The following GAS7 variants were observed in gnomAD, a reference collection of about 807,000 sequenced individuals.
GAS7 encodes the protein growth arrest-specific protein 7.
A neutral mutation model predicts 71.1 loss-of-function variants in GAS7; 28 were observed. The observed-to-expected ratio is 0.39, with a 90% CI of 0.29 to 0.54. GAS7 has a LOEUF of 0.54. Among genes scored for constraint, GAS7 ranks in the 20% least tolerant of loss-of-function variants. The pLI is 0.62. For missense variants in GAS7, 436 were observed against 627.8 expected (o/e 0.69, Z 3.27); for synonymous variants, 258 against 245.8 (o/e 1.05, Z -0.46).
chr17:10,083,552 G>C (rs1286064319), intron 1 of GAS7, among the ~76,000 whole-genome samples: 1 of 152,264 alleles, frequency 6.6e-6, no homozygotes, highest in African/African-American at 2.4e-5. Context: ...GCCAAGTCTG[G>C]CTTGTGCACT....
chr17:9,980,954 T>C (rs563092181), intron 3 of GAS7, among the ~76,000 whole-genome samples: 1 of 152,298 alleles, frequency 6.6e-6, no homozygotes, highest in East Asian at 1.9e-4. Flanking sequence ...CAGACCTAGA[T>C]GTCTCCCAAG....
intron 1 of GAS7, among the ~76,000 whole-genome samples, chr17:10,027,397 C>A (rs544265198): frequency 2.0e-5 from 3 of 152,280 alleles, no homozygotes; most frequent in East Asian, 1.9e-4. Context: ...CAAATCCCAG[C>A]TCTTAATGGA....
intron 1 of GAS7, among the ~76,000 whole-genome samples, chr17:10,080,197 G>A (rs996731792): frequency 2.0e-5 from 3 of 152,060 alleles, no homozygotes; most frequent in Non-Finnish European, 2.9e-5. Context: ...GGTCATCCTC[G>A]CTGCTCATTA....
chr17:10,189,587 T>C (rs982495854), intron 1 of GAS7, among the ~76,000 whole-genome samples: 1 of 151,342 alleles, frequency 6.6e-6, no homozygotes, highest in Non-Finnish European at 1.5e-5. Context: ...CACACTCCTC[T>C]ACTCAGGGTT....
At chr17:10,074,822 G>A (rs891595862) in intron 1 of GAS7, among the ~76,000 whole-genome samples, 2 of 151,974 alleles carry the variant, frequency 1.3e-5, no homozygotes, top group Admixed American at 1.3e-4. Flanking sequence ...GAGAAGAAAG[G>A]AAGTAAAAGC....
chr17:10,067,756 A>T (rs1197974120), intron 1 of GAS7, among the ~76,000 whole-genome samples: 1 of 152,178 alleles, frequency 6.6e-6, no homozygotes, highest in Non-Finnish European at 1.5e-5. Context: ...GACACTCTCC[A>T]TTAACCCTGC....
intron 1 of GAS7, among the ~76,000 whole-genome samples, chr17:10,121,588 T>A (rs1163582381): frequency 1.3e-5 from 2 of 152,156 alleles, no homozygotes; most frequent in African/African-American, 4.8e-5. Context: ...GTCCAGTGCT[T>A]AGGCCAGTGT....
At chr17:10,152,382 G>C (rs1249228954) in intron 1 of GAS7, among the ~76,000 whole-genome samples, 1 of 152,230 alleles carries the variant, frequency 6.6e-6, no homozygotes, top group African/African-American at 2.4e-5. Context: ...CATGCAGGCG[G>C]AACACAGAAG....
chr17:10,123,625 C>T (rs1363759109), intron 1 of GAS7, among the ~76,000 whole-genome samples: 1 of 152,236 alleles, frequency 6.6e-6, no homozygotes, highest in Non-Finnish European at 1.5e-5. Flanking sequence ...TATCATCTCT[C>T]AGCACTTTTG....
chr17:9,917,348 G>A lies in GAS7; in HGVS notation c.1318-7C>T. 8.1e-6 allele frequency: 13 copies of A among 1,599,920 alleles called. No homozygotes were observed. The highest frequency in any genetic ancestry group is 1.0e-5 in the Non-Finnish European group (12 of 1,166,986). On this transcript the variant is annotated splice_polypyrimidine_tract_variant and splice_region_variant and intron_variant, in intron 13 of 13. Coordinates refer to ENST00000432992, the MANE Select transcript of GAS7 (RefSeq NM_201433.2). ...GATCCACGGGCTCGACTGTCTGCAA[G>A]AGACAGAGAAAATGCGACACTGTTA...
At chr17:9,960,428 G>A (rs544219052) in intron 4 of GAS7, among the ~76,000 whole-genome samples, 17 of 152,052 alleles carry the variant, frequency 1.1e-4, no homozygotes, top group African/African-American at 2.9e-4. Flanking sequence ...GACCTCAGGC[G>A]ATCCACCTGT....
At chr17:9,983,868 T>C (rs1456091644) in intron 2 of GAS7, among the ~76,000 whole-genome samples, 1 of 152,200 alleles carries the variant, frequency 6.6e-6, no homozygotes, top group Non-Finnish European at 1.5e-5. Context: ...GCAAAGTAGT[T>C]AGGCTCTGTT....
chr17:9,994,785 C>G lies in GAS7; in HGVS notation c.305-12901G>C, dbSNP rs550116992. 2.6e-5 allele frequency among the ~76,000 whole-genome samples: 4 copies of G among 152,092 alleles called. 1 individual carries two copies. The South Asian group carries it at 8.3e-4, about 32-fold the overall frequency. On this transcript the variant is annotated intron_variant, in intron 2 of 13. Transcript: ENST00000432992. ...AAATTTTCACAACCTACTCACCTGA[C>G]AAAGGGCTAATATCCAGAATCTACA... is the stretch of plus-strand genomic sequence containing the variant.
Position 9,981,862 on chromosome 17 carries a change from G to T in GAS7, c.327C>A (p.Ser109Arg). 6.3e-7 allele frequency: 1 copy of T among 1,595,016 alleles called. No homozygotes were observed. The highest frequency in any genetic ancestry group is 8.6e-7 in the Non-Finnish European group (1 of 1,162,532). The change falls in exon 3 of 14, where the codon AGC becomes AGA. Residue 109 changes from serine to arginine, a missense_variant. By Grantham distance (110) the Ser-to-Arg change is moderately radical. Transcript: ENST00000432992. The surrounding 1 kb of genome is among the most constrained non-coding windows in gnomAD (Gnocchi z 4.4). Reference protein sequence around the residue: ...TTNETTWERPSSSPGIPASPG... With the variant: ...TTNETTWERPRSSPGIPASPG... ...GGCTGGCTGGAATCCCAGGAGAACT[G>T]CTGGGACGTTCCCAGGTGGTCTCTG... is the stretch of plus-strand genomic sequence containing the variant.
chr17:10,101,866 C>T (rs918937113), intron 1 of GAS7, among the ~76,000 whole-genome samples: 1 of 152,150 alleles, frequency 6.6e-6, no homozygotes, highest in African/African-American at 2.4e-5. Flanking sequence ...GCTCTTTGTG[C>T]TTCTGCCCTG....
chr17:10,045,921 T>C (rs1442003930), intron 1 of GAS7, among the ~76,000 whole-genome samples: 1 of 152,186 alleles, frequency 6.6e-6, no homozygotes, highest in African/African-American at 2.4e-5. Context: ...AAATGTAGTC[T>C]GGCCCTAAGC....
intron 1 of GAS7, among the ~76,000 whole-genome samples, chr17:10,100,044 C>G (rs2073683631): frequency 6.6e-6 from 1 of 152,170 alleles, no homozygotes; most frequent in Non-Finnish European, 1.5e-5. Context: ...AGGTTGAGAT[C>G]CATCTATTAT....
intron 2 of GAS7, among the ~76,000 whole-genome samples, chr17:9,983,119 CTAAGCATATGTTT>C (rs541927235): frequency 0.21 from 31,891 of 152,060 alleles, 3,538 homozygotes; most frequent in Middle Eastern, 0.3. Context: ...GATTTGTTTT[CTAAGCATATGTTT>C]CTCTTTAAAA....
intron 1 of GAS7, among the ~76,000 whole-genome samples, chr17:10,071,230 G>C (rs1461913709): frequency 3.9e-5 from 6 of 152,092 alleles, no homozygotes; most frequent in Non-Finnish European, 7.4e-5. Context: ...CTGTGTTTGA[G>C]TCCCGACTCC....
Sources: gnomAD v4.1 joint callset for allele counts (sites outside exome capture counted in the v4.1 genomes callset) on GRCh38, gnomAD v4.1.1 for gene constraint, Gnocchi (gnomAD v3.1) non-coding constraint, MANE v1.5 for transcripts, NCBI Gene and HGNC (gene_info 2026-07-23, HGNC 2026-07-21) for gene names.